The following RB1 variants were observed in gnomAD, a reference collection of about 807,000 sequenced individuals.
RB1 encodes RB transcriptional corepressor 1, also known as retinoblastoma-associated protein.
In RB1, 18 loss-of-function variants were observed where a neutral mutation model predicts 135.4. That is an observed-to-expected ratio of 0.13 (90% CI 0.09 to 0.20). The LOEUF (loss-of-function observed/expected upper bound fraction) is 0.20, where lower values mean the gene tolerates loss of function less well. Ranked by LOEUF, RB1 falls within the 10% of genes least tolerant of loss-of-function variation. The pLI is 1.00. For missense variants in RB1, 868 were observed against 1,110.0 expected, an observed-to-expected ratio of 0.78 and a Z score of 3.10; for synonymous variants, 365 against 373.2, an observed-to-expected ratio of 0.98 and a Z score of 0.25.
chr13:48,408,759 T>C (rs1225672852), intron 17 of RB1: 1 of 152,318 alleles, frequency 6.6e-6, no homozygotes, highest in Admixed American at 6.5e-5. Flanking sequence ...TTTTGATTCA[T>C]TTATCTTCCT....
At chr13:48,444,329 C>T (rs1949266541) in intron 17 of RB1, among the ~76,000 whole-genome samples, 1 of 152,060 alleles carries the variant, frequency 6.6e-6, no homozygotes, top group African/African-American at 2.4e-5. Context: ...ACAGCCTGGC[C>T]AACATGGCAA....
intron 17 of RB1, among the ~76,000 whole-genome samples, chr13:48,429,116 T>G (rs1169242363): frequency 6.6e-6 from 1 of 152,224 alleles, no homozygotes; most frequent in Non-Finnish European, 1.5e-5. Context: ...TTTCATATTA[T>G]TGTAATGTTA....
chr13:48,417,268 T>G (rs1593493159), intron 17 of RB1: 1 of 152,968 alleles, frequency 6.5e-6, no homozygotes, highest in East Asian at 1.9e-4. Context: ...CCTCTGCTGG[T>G]GATATCCAGA....
chr13:48,321,170 G>A (rs1042841263), intron 2 of RB1, among the ~76,000 whole-genome samples: 31 of 152,144 alleles, frequency 2.0e-4, no homozygotes, highest in African/African-American at 7.0e-4. Context: ...TCCCGCATCC[G>A]GGGGGAGGCG....
At position 48,304,026 on chromosome 13, in the gene RB1, C is replaced by T. The variant is rs1369823342; in HGVS notation, c.114C>T (p.Gly38=). ...AGGAGGACCCAGAGCAGGACAGCGG[C>T]CCGGAGGACCTGCCTCTCGTCAGGT... ...PPEEDPEQDS[G]PEDLPLVRLE... The change falls in exon 1 of 27, where the codon GGC becomes GGT. Residue 38 remains glycine, a synonymous_variant. Coordinates refer to ENST00000267163, the MANE Select transcript of RB1 (RefSeq NM_000321.3). The T allele has an allele frequency of 1.4e-6, 2 of 1,463,312 alleles. No homozygotes were observed. The highest frequency in any genetic ancestry group is 1.5e-5 in the African/African-American group (1 of 67,752). 90.6% of individuals were successfully genotyped at this position (1,463,312 alleles called of 1,614,324 possible).
At chr13:48,378,601 A>G (rs796979219) in intron 13 of RB1, among the ~76,000 whole-genome samples, 29 of 151,560 alleles carry the variant, frequency 1.9e-4, no homozygotes, top group African/African-American at 6.5e-4. Flanking sequence ...TTTTACAAGT[A>G]GAAGGAGGAT....
At chr13:48,343,164 A>G (rs964862631) in intron 3 of RB1, among the ~76,000 whole-genome samples, 2 of 152,146 alleles carry the variant, frequency 1.3e-5, no homozygotes, top group Admixed American at 6.5e-5. Flanking sequence ...TATTGATTTG[A>G]ACATGCTACA....
intron 5 of RB1, among the ~76,000 whole-genome samples, chr13:48,348,248 A>T (rs961561731): frequency 2.0e-5 from 3 of 151,982 alleles, no homozygotes; most frequent in Non-Finnish European, 4.4e-5. Flanking sequence ...TTTCCAAATG[A>T]TTATTTTAAA....
intron 4 of RB1, among the ~76,000 whole-genome samples, chr13:48,345,976 T>A (rs1566187180): frequency 6.6e-6 from 1 of 151,860 alleles, no homozygotes; most frequent in Non-Finnish European, 1.5e-5. Context: ...TTTTGACCAC[T>A]AAAACTTCAC....
intron 6 of RB1, among the ~76,000 whole-genome samples, chr13:48,353,000 T>C (rs557341878): frequency 1.3e-5 from 2 of 151,668 alleles, no homozygotes; most frequent in South Asian, 2.1e-4. Flanking sequence ...TAGTTATAGG[T>C]GAAAAAAAGA....
chr13:48,398,582 C>T (rs1948666240), intron 17 of RB1, among the ~76,000 whole-genome samples: 1 of 151,878 alleles, frequency 6.6e-6, no homozygotes, highest in Non-Finnish European at 1.5e-5. Flanking sequence ...TTACACTTCC[C>T]TAGAACAGAT....
chr13:48,354,305 A>G (rs932773299), intron 6 of RB1, among the ~76,000 whole-genome samples: 12 of 152,174 alleles, frequency 7.9e-5, no homozygotes, highest in African/African-American at 2.7e-4. Flanking sequence ...ATAATGTGAA[A>G]AAGAAATTTA....
At chr13:48,440,663 C>A (rs1212200056) in intron 17 of RB1, among the ~76,000 whole-genome samples, 1 of 151,988 alleles carries the variant, frequency 6.6e-6, no homozygotes, top group Non-Finnish European at 1.5e-5. Context: ...TTGTTTTAAC[C>A]AAGAAGAACT....
intron 17 of RB1, among the ~76,000 whole-genome samples, chr13:48,436,846 A>G (rs916755094): frequency 1.3e-5 from 2 of 152,186 alleles, no homozygotes; most frequent in Non-Finnish European, 2.9e-5. Flanking sequence ...GTGGCACAAA[A>G]ACATTTCCTG....
intron 17 of RB1, among the ~76,000 whole-genome samples, chr13:48,419,870 A>G (rs1416534374): frequency 1.3e-5 from 2 of 152,204 alleles, no homozygotes; most frequent in African/African-American, 4.8e-5. Context: ...GACCAATAAC[A>G]AGTTCTGAAA....
chr13:48,341,248 A>T (rs1952440229), intron 2 of RB1: 1 of 152,034 alleles, frequency 6.6e-6, no homozygotes, highest in Non-Finnish European at 1.5e-5. Flanking sequence ...TGTTATATAT[A>T]TTAGGACATT....
At chr13:48,342,855 C>T (rs1478145131) in intron 3 of RB1, 141 bp downstream of exon 3, 2 of 635,084 alleles carry the variant, frequency 3.1e-6, no homozygotes, top group Non-Finnish European at 5.5e-6. Flanking sequence ...TAGTGAACTG[C>T]CATTCTCTCA....
intron 17 of RB1, among the ~76,000 whole-genome samples, chr13:48,403,409 A>C (rs1948710984): frequency 6.6e-6 from 1 of 152,096 alleles, no homozygotes; most frequent in African/African-American, 2.4e-5. Context: ...AAAACTGTGG[A>C]GGGAAGTGGA....
intron 2 of RB1, among the ~76,000 whole-genome samples, chr13:48,309,441 G>A (rs940586095): frequency 6.6e-6 from 1 of 152,154 alleles, no homozygotes; most frequent in African/African-American, 2.4e-5. Context: ...ATTGAACATA[G>A]TCTCACATTT....
Sources: gnomAD v4.1 joint callset for allele counts (sites outside exome capture counted in the v4.1 genomes callset) on GRCh38, gnomAD v4.1.1 for gene constraint, MANE v1.5 for transcripts, NCBI Gene and HGNC (gene_info 2026-07-23, HGNC 2026-07-21) for gene names.